The following LUC7L variants were observed in gnomAD, a reference collection of about 807,000 sequenced individuals.
The protein encoded by LUC7L is LUC7 like.
Under a neutral mutation model 51.1 loss-of-function variants are expected in LUC7L, and 29 were observed. That is an observed-to-expected ratio of 0.57 (90% confidence interval 0.42 to 0.77). The LOEUF is 0.77. Ranked by LOEUF, LUC7L falls within the 30% of genes least tolerant of loss-of-function variation. LUC7L has a pLI of 0.00. For synonymous variants in LUC7L, 181 were observed against 180.7 expected (o/e 1.00, Z -0.01); for missense variants, 403 against 511.9 (o/e 0.79, Z 2.05).
intron 3 of LUC7L, among the ~76,000 whole-genome samples, chr16:217,884 T>C (rs1275526841): frequency 1.3e-5 from 2 of 150,966 alleles, no homozygotes; most frequent in Non-Finnish European, 2.9e-5. Flanking sequence ...ACTAAAAATA[T>C]AAAAATTAGC....
rs762922040 is a variant in LUC7L at position 199,178 on chromosome 16, C to A, written c.571G>T (p.Glu191Ter). The change falls in exon 6 of 10, where the codon GAG (glutamate) becomes TAG (stop). Residue 191 changes from glutamate to a stop codon, truncating the protein, a stop_gained. Coordinates refer to ENST00000293872, the MANE Select transcript of LUC7L (RefSeq NM_201412.3). LOFTEE classifies it high-confidence loss of function. ...SFQQQKLRVC[E>*]VCSAYLGLHD... Reference sequence around the variant, plus strand: ...AGACCAAGGTAGGCTGAACAGACCTCGCAGACACGCAGCTTTTGCTGCTGA... The same window carrying A: ...AGACCAAGGTAGGCTGAACAGACCTAGCAGACACGCAGCTTTTGCTGCTGA... The A allele has an allele frequency of 6.2e-7, 1 of 1,610,828 alleles. No homozygotes were observed. Among genetic ancestry groups the A allele is most frequent in the Non-Finnish European group, 8.5e-7 (1 of 1,177,342 alleles).
chr16:191,420 C>T (rs2049005611), intron 7 of LUC7L, among the ~76,000 whole-genome samples: 2 of 152,174 alleles, frequency 1.3e-5, no homozygotes, highest in Admixed American at 6.5e-5. Flanking sequence ...CATGTACATC[C>T]GCAACACAAA....
intron 2 of LUC7L, among the ~76,000 whole-genome samples, chr16:222,721 C>T (rs1384522058): frequency 6.6e-6 from 1 of 151,254 alleles, no homozygotes; most frequent in Non-Finnish European, 1.5e-5. Flanking sequence ...ACCTCCGCCT[C>T]CCAGGTTCAA....
intron 3 of LUC7L, among the ~76,000 whole-genome samples, chr16:212,610 C>T (rs754031654): frequency 6.6e-6 from 1 of 152,046 alleles, no homozygotes; most frequent in African/African-American, 2.4e-5. Context: ...CAGAACTGGT[C>T]TCATGTGGTA....
chr16:191,437 AAACAT>A (rs1193617476), intron 7 of LUC7L, among the ~76,000 whole-genome samples: 4 of 152,246 alleles, frequency 2.6e-5, no homozygotes, highest in Non-Finnish European at 5.9e-5. Flanking sequence ...CAAATGGCCT[AAACAT>A]GACAGTGCAT....
chr16:200,212 G>T (rs1364702855), intron 5 of LUC7L, among the ~76,000 whole-genome samples: 1 of 151,292 alleles, frequency 6.6e-6, no homozygotes, highest in Non-Finnish European at 1.5e-5. Context: ...CATGGGGTCA[G>T]GAGATCACGA....
At chr16:228,077 T>C in intron 1 of LUC7L, 1 of 1,151,420 alleles carries the variant, frequency 8.7e-7, no homozygotes, top group Non-Finnish European at 1.1e-6. Flanking sequence ...ACACCTGCAG[T>C]AAGGAAGTCG....
chr16:203,001 A>T (rs1182201418), intron 5 of LUC7L, among the ~76,000 whole-genome samples: 1 of 152,130 alleles, frequency 6.6e-6, no homozygotes, highest in Non-Finnish European at 1.5e-5. Context: ...AAATACAAAA[A>T]TTAGCTGGGC....
In LUC7L at chr16:189,283, C is replaced by T. The variant is rs747514409; in HGVS notation, c.1031G>A (p.Arg344Gln). ...CTCAAGCCTCCAGTCCGGGGGCCCT[C>T]GCTCGCTCCGCCCGCTCTCCCAGGA... ...EESWESGRSE[R>Q]GPPDWRLESS... The change falls in exon 10 of 10, where the codon CGA becomes CAA. Residue 344 changes from arginine (R) to glutamine (Q), a missense_variant. Arg to Gln is a conservative substitution (Grantham distance 43). This residue lies in a region of LUC7L where 206 missense variants were observed against 218.3 expected (regional missense o/e 0.94). Coordinates refer to ENST00000293872, the MANE Select transcript of LUC7L (RefSeq NM_201412.3). The T allele has an allele frequency of 3.4e-5, 55 of 1,613,548 alleles. No homozygotes were observed. The highest frequency in any genetic ancestry group is 1.6e-4 in the Middle Eastern group (1 of 6,082).
At chr16:208,277 A>C in intron 3 of LUC7L, 89 bp from the exon 4 acceptor site, 1 of 944,356 alleles carries the variant, frequency 1.1e-6, no homozygotes, top group Non-Finnish European at 1.7e-6. Context: ...ATACACTCCT[A>C]GGTTCGTTTC....
intron 3 of LUC7L, among the ~76,000 whole-genome samples, chr16:215,101 A>G (rs1032418972): frequency 2.0e-5 from 3 of 152,132 alleles, no homozygotes; most frequent in African/African-American, 7.2e-5. Context: ...TCCTCTTAAA[A>G]TAAGTTACGA....
In LUC7L at chr16:216,030, T is replaced by C. The variant is rs191324094; in HGVS notation, c.255+4619A>G. On this transcript the variant is annotated intron_variant, in intron 3 of 9. Transcript: ENST00000293872. ...ACTGTTTTTTTTTTGAGATGGGATT[T>C]CGCTCTTGTTGCCCAGGCTACAGTG... 2.5e-3 allele frequency among the ~76,000 whole-genome samples: 377 copies of C among 152,142 alleles called. 2 individuals carry two copies. The highest frequency in any genetic ancestry group is 8.1e-3 in the African/African-American group (336 of 41,502).
chr16:198,045 G>C (rs1311424437), intron 6 of LUC7L, among the ~76,000 whole-genome samples: 1 of 151,936 alleles, frequency 6.6e-6, no homozygotes, highest in Non-Finnish European at 1.5e-5. Context: ...GAGGCGGGCG[G>C]ATCGCGAGGT....
chr16:208,053 A>G, intron 4 of LUC7L, 25 bp downstream of exon 4: 1 of 1,528,146 alleles, frequency 6.5e-7, no homozygotes, highest in South Asian at 1.2e-5. Context: ...AGAACACACC[A>G]GACACCGAAG....
chr16:208,273 T>TC (rs1828490221), intron 3 of LUC7L, 85 bp from the exon 4 acceptor site: 1 of 971,618 alleles, frequency 1.0e-6, no homozygotes, highest in Non-Finnish European at 1.6e-6. Context: ...GGAAATACAC[T>TC]CCTAGGTTCG....
At chr16:196,429 A>G (rs1648286387) in intron 6 of LUC7L, among the ~76,000 whole-genome samples, 1 of 152,038 alleles carries the variant, frequency 6.6e-6, no homozygotes, top group African/African-American at 2.4e-5. Context: ...CAAACAAACA[A>G]AAAAAACCCA....
At chr16:216,816 C>T (rs959881039) in intron 3 of LUC7L, among the ~76,000 whole-genome samples, 1 of 152,084 alleles carries the variant, frequency 6.6e-6, no homozygotes, top group African/African-American at 2.4e-5. Context: ...CCTGTTCTAG[C>T]TCTCTAACCC....
chr16:219,062 C>T (rs1212356505), intron 3 of LUC7L, among the ~76,000 whole-genome samples: 1 of 152,028 alleles, frequency 6.6e-6, no homozygotes, highest in East Asian at 1.9e-4. Flanking sequence ...CACGCCACTG[C>T]CCTCCAGCCT....
At chr16:217,477 C>T (rs1408668394) in intron 3 of LUC7L, among the ~76,000 whole-genome samples, 2 of 151,618 alleles carry the variant, frequency 1.3e-5, no homozygotes, top group Admixed American at 6.6e-5. Flanking sequence ...GAGGCTAAGG[C>T]GGGTGGATCA....
Sources: allele counts gnomAD v4.1 joint callset (sites outside exome capture counted in the v4.1 genomes callset), GRCh38; gene constraint gnomAD v4.1.1; regional missense constraint gnomAD v4.1.1; transcripts MANE v1.5; gene names NCBI Gene and HGNC (gene_info 2026-07-23, HGNC 2026-07-21).